Variants in CFAP74 observed in about 807,000 individuals in gnomAD.
CFAP74 encodes the protein cilia and flagella associated protein 74, also known as cilia- and flagella-associated protein 74.
CFAP74 carries 124 observed loss-of-function variants against 188.9 expected under a neutral mutation model. That is an observed-to-expected ratio of 0.66 (90% CI 0.57 to 0.76). CFAP74 has a LOEUF of 0.76. Ranked by LOEUF, CFAP74 falls within the 30% of genes least tolerant of loss-of-function variation. The pLI is 0.00. For synonymous variants in CFAP74, 956 were observed against 916.7 expected (o/e 1.04, Z -0.77); for missense variants, 2,198 against 2,165.2 (o/e 1.02, Z -0.30).
intron 26 of CFAP74, among the ~76,000 whole-genome samples, chr1:1,929,849 C>A (rs1235621102): frequency 6.6e-6 from 1 of 152,090 alleles, no homozygotes; most frequent in Admixed American, 6.5e-5. Flanking sequence ...CACTGTGACC[C>A]CCCCCGATGG....
chr1:1,942,067 G>C lies in CFAP74; in HGVS notation c.2576C>G (p.Ala859Gly). 1.3e-6 allele frequency: 2 copies of C among 1,532,190 alleles called. No individual in the cohort carries two copies. The highest frequency in any genetic ancestry group is 1.7e-6 in the Non-Finnish European group (2 of 1,145,398). The allele number at this position is 1,532,190 out of a possible 1,614,324, so 94.9% of individuals were successfully genotyped here. The change falls in exon 22 of 39, where the codon GCA becomes GGA. Residue 859 changes from alanine to glycine, a missense_variant. Coordinates refer to ENST00000682832, the MANE Select transcript of CFAP74 (RefSeq NM_001304360.2). This position sits in a 1 kb window ranked among gnomAD's most constrained non-coding sequence, Gnocchi z 4.3. ...GAGCTGCACGGAGTAGGACGACTGT[G>C]CCTGGATATAGCCTGTCTTGGGCAG... The part of the protein sequence containing the change: ...ELLPKTGYIQ[A>G]QSSYSVQLKF...
chr1:1,986,897 C>T, intron 5 of CFAP74, 40 bp downstream of exon 5: 1 of 1,551,050 alleles, frequency 6.4e-7, no homozygotes. Context: ...CGGCCCTGAC[C>T]TCATGCCCGG....
At chr1:1,972,798 C>T (rs971901413) in intron 8 of CFAP74, 139 bp downstream of exon 8, 13 of 687,914 alleles carry the variant, frequency 1.9e-5, no homozygotes, top group African/African-American at 1.3e-4. Flanking sequence ...GCCGAGATCG[C>T]GCCACGGCAC....
chr1:1,927,133 C>A (rs1557986276), intron 28 of CFAP74, 105 bp from the exon 29 acceptor site: 1 of 1,337,546 alleles, frequency 7.5e-7, no homozygotes, highest in East Asian at 2.5e-5. Flanking sequence ...CCCAGGGTCC[C>A]AAGCTGTGGC....
In CFAP74 at chr1:1,922,883, G is replaced by A. The variant is rs867800539; in HGVS notation, c.4683+102C>T. 11 of 1,492,012 alleles carry A rather than the reference G, an allele frequency of 7.4e-6. No homozygotes were observed. The African/African-American group carries it at 8.4e-5, about 11-fold the overall frequency. 92.4% of individuals were successfully genotyped at this position (1,492,012 alleles called of 1,614,324 possible). On this transcript the variant is annotated intron_variant, in intron 37 of 38. Coordinates refer to ENST00000682832, the MANE Select transcript of CFAP74 (RefSeq NM_001304360.2). ...AAGTCCGAGAAAAGCCCGGCTGTCA[G>A]GACAAGCCCAGTGAGGGGCAAGGCC...
At chr1:1,929,917 G>T in intron 26 of CFAP74, 143 bp downstream of exon 26, 2 of 974,048 alleles carry the variant, frequency 2.1e-6, no homozygotes, top group Non-Finnish European at 2.9e-6. Context: ...CCCTGCTCGG[G>T]TCTGAGGGTC....
At chr1:1,937,403 A>G (rs191801656) in intron 25 of CFAP74, among the ~76,000 whole-genome samples, 1 of 152,330 alleles carries the variant, frequency 6.6e-6, no homozygotes, top group Admixed American at 6.5e-5. Context: ...CGTCTTCAAT[A>G]AATACATTTC....
Position 1,922,384 on chromosome 1 carries a change from T to C in CFAP74, c.4823A>G (p.Asp1608Gly), listed in dbSNP as rs1651452290. The change falls in exon 39 of 39, where the codon GAC becomes GGC. Residue 1608 changes from aspartate (D) to glycine (G), a missense_variant. Transcript: ENST00000682832. ...CAGGGCCGACACCATGAGTGGGTGG[T>C]CTGGCTGGAACAGGAGGGGAGGGGA... ...SWVPPADFDP[D>G]HPLMVSALLQ... 6.2e-7 allele frequency: 1 copy of C among 1,603,486 alleles called. No homozygotes were observed. The highest frequency in any genetic ancestry group is 8.5e-7 in the Non-Finnish European group (1 of 1,177,252).
intron 13 of CFAP74, among the ~76,000 whole-genome samples, 163 bp from the exon 14 acceptor site, chr1:1,964,030 C>T (rs530168977): frequency 6.6e-6 from 1 of 152,332 alleles, no homozygotes; most frequent in South Asian, 2.1e-4. Context: ...GAGAAGGCCC[C>T]TGGGGTGCAT....
Position 1,930,427 on chromosome 1 carries a change from C to T in CFAP74, c.3012-91G>A. Reference sequence around the variant, plus strand: ...GGGGGCCACTGGGTGGAGGACAAGCCCCGGGGGGGGCTCACAGGGACATGC... The same window carrying T: ...GGGGGCCACTGGGTGGAGGACAAGCTCCGGGGGGGGCTCACAGGGACATGC... On this transcript the variant is annotated intron_variant, in intron 25 of 38. Coordinates refer to ENST00000682832, the MANE Select transcript of CFAP74 (RefSeq NM_001304360.2). 4 of 1,307,368 alleles carry T rather than the reference C, an allele frequency of 3.1e-6. No homozygotes were observed. In the South Asian group the frequency reaches 6.3e-5, roughly 20 times the overall value. The allele number at this position is 1,307,368 out of a possible 1,614,324, so 81.0% of individuals were successfully genotyped here. A position where few individuals can be genotyped will look rare whatever the true frequency, so the allele number is the denominator to read the frequency against.
chr1:1,973,019 C>T lies in CFAP74; in HGVS notation c.703G>A (p.Gly235Arg), dbSNP rs764688551. ...RKSLNTQKEL[G>R]LRHQKLLEDA... Reference sequence around the variant, plus strand: ...TCCAGCAGCTTCTGGTGCCTGAGCCCGAGCTCCTTCTGGGTGTTCAGGGAC... The same window carrying T: ...TCCAGCAGCTTCTGGTGCCTGAGCCTGAGCTCCTTCTGGGTGTTCAGGGAC... Residue 235 changes from glycine (G) to arginine (R), a missense_variant, in exon 8 of 39, where the codon GGG becomes AGG. Transcript: ENST00000682832. This position sits in a 1 kb window ranked among gnomAD's most constrained non-coding sequence, Gnocchi z 6.2. 28 of 1,613,828 alleles carry T rather than the reference C, an allele frequency of 1.7e-5. No individual in the cohort carries two copies. In the East Asian group the frequency reaches 4.2e-4, roughly 24 times the overall value.
At chr1:1,937,764 C>A (rs1216431939) in intron 25 of CFAP74, among the ~76,000 whole-genome samples, 2 of 150,364 alleles carry the variant, frequency 1.3e-5, no homozygotes, top group Non-Finnish European at 2.9e-5. Context: ...CCACCACTTC[C>A]TTATCCCGCC....
Position 1,955,522 on chromosome 1 carries a change from CACTT to C in CFAP74, c.2176+165_2176+168del, listed in dbSNP as rs755138610. On this transcript the variant is annotated intron_variant, in intron 18 of 38. Transcript: ENST00000682832. ...ACATTTTCGTCCACTCCAAAAACAA[CACTT>C]AGTGGCACATAAGAATATTTTCTTG... is the stretch of plus-strand genomic sequence containing the variant. 4.3e-6 allele frequency: 7 copies of C among 1,609,232 alleles called. No individual in the cohort carries two copies. The Admixed American group carries it at 5.0e-5, about 12-fold the overall frequency.
chr1:2,003,752 C>G lies in CFAP74; in HGVS notation c.-71G>C, dbSNP rs979157033. ...TCGGGCTCCGGAGGCACAGACACCC[C>G]GGGCTGCTCAGGCAGGCGGCGGTCC... On this transcript the variant is annotated 5_prime_UTR_variant, in exon 1 of 39. Transcript: ENST00000682832. 1 of 152,542 alleles carries G rather than the reference C, an allele frequency of 6.6e-6. No individual in the cohort carries two copies. The highest frequency in any genetic ancestry group is 6.5e-5 in the Admixed American group (1 of 15,294). 9.4% of individuals were successfully genotyped at this position (152,542 alleles called of 1,614,324 possible). A position where few individuals can be genotyped will look rare whatever the true frequency, so the allele number is the denominator to read the frequency against.
chr1:1,970,923 ACACGT>A, intron 9 of CFAP74, 107 bp from the exon 10 acceptor site: 2 of 1,306,314 alleles, frequency 1.5e-6, no homozygotes, highest in Admixed American at 1.8e-5. Flanking sequence ...ACACGTGCAC[ACACGT>A]GCACACACAC....
At chr1:1,926,823 A>C in intron 29 of CFAP74, 62 bp from the exon 30 acceptor site, 2 of 1,547,746 alleles carry the variant, frequency 1.3e-6, no homozygotes, top group East Asian at 2.4e-5. Flanking sequence ...CAGGCCCCAG[A>C]GTTGGGCAGT....
intron 14 of CFAP74, among the ~76,000 whole-genome samples, chr1:1,961,300 C>T (rs1655074283): frequency 6.6e-6 from 1 of 152,116 alleles, no homozygotes; most frequent in African/African-American, 2.4e-5. Context: ...GATTCAACAG[C>T]ACAGTGAGGT....
chr1:1,943,459 C>G (rs1048285415), intron 21 of CFAP74, among the ~76,000 whole-genome samples: 1 of 152,230 alleles, frequency 6.6e-6, no homozygotes, highest in Admixed American at 6.5e-5. Context: ...TGCCTGGGGC[C>G]GGTGCCCGGG....
At chr1:1,961,749 C>T (rs1175539084) in intron 14 of CFAP74, among the ~76,000 whole-genome samples, 4 of 152,174 alleles carry the variant, frequency 2.6e-5, no homozygotes, top group African/African-American at 7.2e-5. Context: ...TCCATGCCCG[C>T]CTTCACAGAG....
Sources: gnomAD v4.1 joint callset for allele counts (sites outside exome capture counted in the v4.1 genomes callset) on GRCh38, gnomAD v4.1.1 for gene constraint, Gnocchi (gnomAD v3.1) non-coding constraint, MANE v1.5 for transcripts, NCBI Gene and HGNC (gene_info 2026-07-23, HGNC 2026-07-21) for gene names.